Variants in SVOPL observed in about 807,000 individuals in gnomAD.
SVOPL encodes the protein SVOP like, also known as putative transporter SVOPL.
SVOPL carries 60 observed loss-of-function variants against 61.0 expected under a neutral mutation model. The observed-to-expected ratio is 0.98, with a 90% CI of 0.80 to 1.22. SVOPL has a LOEUF of 1.22. SVOPL is among the 50% of genes most tolerant of loss of function. SVOPL has a pLI of 0.00. For missense variants in SVOPL, 662 were observed against 643.9 expected, an observed-to-expected ratio of 1.03 and a Z score of -0.30; for synonymous variants, 279 against 250.0, an observed-to-expected ratio of 1.12 and a Z score of -1.09.
chr7:138,644,923 C>T, intron 8 of SVOPL, 78 bp from the exon 9 acceptor site: 1 of 1,554,944 alleles, frequency 6.4e-7, no homozygotes, highest in Non-Finnish European at 8.8e-7. Context: ...GCTCTATACA[C>T]TACAGTCCTA....
Position 138,625,344 on chromosome 7 carries a change from A to G in SVOPL, c.1263+625T>C, listed in dbSNP as rs925643658. Among the ~76,000 whole-genome samples the G allele has an allele frequency of 1.4e-4, 22 of 152,164 alleles. 1 individual carries two copies. Among genetic ancestry groups the G allele is most frequent in the African/African-American group, 5.1e-4 (21 of 41,440 alleles). On this transcript the variant is annotated intron_variant, in intron 13 of 15. Transcript: ENST00000674285. ...CATGAACCTGAAAGGCAGCTTTATC[A>G]GTATCTAAAGTACTGTTTCCTGTAG...
rs535491356 is a variant in SVOPL, at chr7:138,663,073, C to T, written c.345+1G>A. On this transcript the variant is annotated splice_donor_variant, in intron 5 of 15. Transcript: ENST00000674285. LOFTEE classifies it high-confidence loss of function. ...AAATGCTACTGTGAGGCCCCACCTA[C>T]CTTCCAGCGGCCATATCTGTCAGCC... 1.2e-6 allele frequency: 2 copies of T among 1,614,036 alleles called. No homozygotes were observed. The highest frequency in any genetic ancestry group is 8.5e-7 in the Non-Finnish European group (1 of 1,180,026).
At chr7:138,684,102 C>G (rs962280793) in intron 1 of SVOPL, among the ~76,000 whole-genome samples, 2 of 151,480 alleles carry the variant, frequency 1.3e-5, no homozygotes, top group African/African-American at 4.9e-5. Context: ...CAGCGGCTCA[C>G]GTCTATAATC....
intron 14 of SVOPL, among the ~76,000 whole-genome samples, chr7:138,620,269 C>T (rs1799502536): frequency 6.6e-6 from 1 of 150,604 alleles, no homozygotes; most frequent in Non-Finnish European, 1.5e-5. Flanking sequence ...TACAGGAGAG[C>T]ACCACCATGC....
intron 14 of SVOPL, among the ~76,000 whole-genome samples, chr7:138,618,206 T>C: frequency 6.6e-6 from 1 of 152,210 alleles, no homozygotes; most frequent in East Asian, 1.9e-4. Flanking sequence ...GAATAGCGTT[T>C]CACCTTGACC....
At chr7:138,631,239 A>G (rs1034155832) in intron 9 of SVOPL, among the ~76,000 whole-genome samples, 1 of 152,080 alleles carries the variant, frequency 6.6e-6, no homozygotes. Context: ...ATGTCTATTT[A>G]TGGGGGTACA....
At chr7:138,660,996 CAA>C (rs1801977479) in intron 5 of SVOPL, 1 of 982,622 alleles carries the variant, frequency 1.0e-6, no homozygotes, top group Non-Finnish European at 1.2e-6. Flanking sequence ...AATGTTTTTT[CAA>C]AGTTTCTTGA....
At chr7:138,678,631 A>G (rs1004523634) in intron 2 of SVOPL, 106 bp from the exon 3 acceptor site, 2 of 1,110,096 alleles carry the variant, frequency 1.8e-6, no homozygotes, top group African/African-American at 3.1e-5. Context: ...ACAAGTTAAT[A>G]CGGGGGGTCA....
chr7:138,649,456 GC>G (rs1156810594), intron 7 of SVOPL, among the ~76,000 whole-genome samples: 6 of 151,902 alleles, frequency 3.9e-5, no homozygotes, highest in African/African-American at 1.5e-4. Context: ...ACCACGCCCA[GC>G]TCATTTTTTT....
intron 14 of SVOPL, among the ~76,000 whole-genome samples, chr7:138,614,163 T>C (rs1043025163): frequency 1.3e-5 from 2 of 152,190 alleles, no homozygotes; most frequent in Non-Finnish European, 2.9e-5. Context: ...TAAGAAGTCC[T>C]CTAAAACTTG....
At chr7:138,620,199 C>T (rs1427802902) in intron 14 of SVOPL, among the ~76,000 whole-genome samples, 21 of 142,962 alleles carry the variant, frequency 1.5e-4, no homozygotes. Context: ...CGGCTCACTG[C>T]AACCTCTGCC....
intron 6 of SVOPL, among the ~76,000 whole-genome samples, chr7:138,658,872 C>T (rs1801871181): frequency 6.6e-6 from 1 of 151,824 alleles, no homozygotes; most frequent in Non-Finnish European, 1.5e-5. Flanking sequence ...TGAAGTGCCC[C>T]CCCGCCCCAA....
intron 8 of SVOPL, among the ~76,000 whole-genome samples, chr7:138,646,665 C>T (rs536969982): frequency 9.9e-5 from 15 of 152,240 alleles, no homozygotes; most frequent in African/African-American, 2.9e-4. Flanking sequence ...ACCACAGGCA[C>T]GGACCACAAC....
At chr7:138,641,973 C>G (rs1800826770) in intron 9 of SVOPL, among the ~76,000 whole-genome samples, 1 of 150,436 alleles carries the variant, frequency 6.6e-6, no homozygotes, top group African/African-American at 2.4e-5. Flanking sequence ...TCAAGGAGAA[C>G]ACAGATTCTT....
At chr7:138,625,190 T>G (rs1408435574) in intron 13 of SVOPL, 1 of 152,248 alleles carries the variant, frequency 6.6e-6, no homozygotes, top group African/African-American at 2.4e-5. Context: ...TGAAGTATTA[T>G]GTATAATTCA....
At chr7:138,611,409 A>G (rs1022840423) in intron 14 of SVOPL, among the ~76,000 whole-genome samples, 12 of 152,100 alleles carry the variant, frequency 7.9e-5, no homozygotes, top group African/African-American at 2.9e-4. Flanking sequence ...AAAACAAAAC[A>G]AAACAAAACA....
chr7:138,648,533 CAAAAAAAAAAAAA>C (rs61171485), intron 8 of SVOPL, among the ~76,000 whole-genome samples: 3 of 73,788 alleles, frequency 4.1e-5, no homozygotes, highest in East Asian at 7.9e-4. Flanking sequence ...ACTAAAAATC[CAAAAAAAAAAAAA>C]AAAAAAAAAA....
At chr7:138,630,826 C>G (rs1800145987) in intron 9 of SVOPL, among the ~76,000 whole-genome samples, 1 of 151,882 alleles carries the variant, frequency 6.6e-6, no homozygotes, top group African/African-American at 2.4e-5. Flanking sequence ...GCCTGTAATC[C>G]CAGCTACTCA....
intron 14 of SVOPL, chr7:138,597,040 C>T: frequency 3.5e-6 from 4 of 1,156,846 alleles, no homozygotes; most frequent in Non-Finnish European, 4.3e-6. Flanking sequence ...AGTTGTGTGA[C>T]ACCAAAACTC....
Sources: gnomAD v4.1 joint callset for allele counts (sites outside exome capture counted in the v4.1 genomes callset) on GRCh38, gnomAD v4.1.1 for gene constraint, MANE v1.5 for transcripts, NCBI Gene and HGNC (gene_info 2026-07-23, HGNC 2026-07-21) for gene names.